Variants in MYO6 observed in about 807,000 individuals in gnomAD.
MYO6 encodes unconventional myosin-VI.
A neutral mutation model predicts 178.7 loss-of-function variants in MYO6; 74 were observed. The ratio of observed to expected loss-of-function variants is 0.41; its 90% CI spans 0.34 to 0.50. The LOEUF is 0.50. MYO6 is among the 20% of genes least tolerant of loss of function. The pLI, the probability that MYO6 is intolerant of heterozygous loss-of-function variation, is 0.09. For missense variants in MYO6, 1,330 were observed against 1,547.4 expected, an observed-to-expected ratio of 0.86 and a Z score of 2.36; for synonymous variants, 477 against 504.6, an observed-to-expected ratio of 0.95 and a Z score of 0.73.
chr6:75,916,024 G>C lies in MYO6; in HGVS notation c.*1012G>C, dbSNP rs533366906. ...TAAGCTTTGTAATTCAGAAATCCTT[G>C]TATTTAGTAAGTGCTTGTTTTACAT... On this transcript the variant is annotated 3_prime_UTR_variant, in exon 35 of 35. Transcript: ENST00000369977. 2 of 152,604 alleles carry C rather than the reference G, an allele frequency of 1.3e-5. No homozygotes were observed. The highest frequency in any genetic ancestry group is 4.8e-5 in the African/African-American group (2 of 41,544). The allele number at this position is 152,604 out of a possible 1,614,324, so 9.5% of individuals were successfully genotyped here. A position where few individuals can be genotyped will look rare whatever the true frequency, so the allele number is the denominator to read the frequency against.
intron 1 of MYO6, among the ~76,000 whole-genome samples, chr6:75,815,303 C>T (rs1771108387): frequency 6.6e-6 from 1 of 151,476 alleles, no homozygotes; most frequent in South Asian, 2.1e-4. Context: ...GCTGTTAGTG[C>T]CTTCACTGAT....
chr6:75,797,605 C>T lies in MYO6; in HGVS notation c.-47-19896C>T, dbSNP rs530521556. On this transcript the variant is annotated intron_variant, in intron 1 of 34. Coordinates refer to ENST00000369977, the MANE Select transcript of MYO6 (RefSeq NM_004999.4). ...TTGGAGTGCAGTGGCATGATCTTGG[C>T]TCAGTGCAACCTCCACCTTCTGGGC... Among the ~76,000 whole-genome samples, 187 of 152,114 alleles carry T rather than the reference C, an allele frequency of 1.2e-3. 1 individual carries two copies. The highest frequency in any genetic ancestry group is 4.4e-3 in the African/African-American group (183 of 41,480).
intron 1 of MYO6, among the ~76,000 whole-genome samples, chr6:75,769,758 G>A (rs1377738691): frequency 6.6e-6 from 1 of 152,178 alleles, no homozygotes; most frequent in African/African-American, 2.4e-5. Flanking sequence ...AAATTAGCTG[G>A]GCATGGTGGC....
rs1772514153 is a variant in MYO6, at chr6:75,826,819, A to G, written c.188-1721A>G. Among the ~76,000 whole-genome samples the G allele has an allele frequency of 2.0e-5, 3 of 152,142 alleles. No homozygotes were observed. The South Asian group carries it at 6.2e-4, about 32-fold the overall frequency. The stretch of plus-strand genomic sequence containing the variant: ...TAGAAAGCAGTGAGGTGACTGAGGC[A>G]GGAGAATCGCTTGAACCCAGGAGGT... On this transcript the variant is annotated intron_variant, in intron 3 of 34. Transcript: ENST00000369977.
intron 25 of MYO6, among the ~76,000 whole-genome samples, chr6:75,888,730 C>A (rs573099546): frequency 6.6e-6 from 1 of 152,032 alleles, no homozygotes; most frequent in Non-Finnish European, 1.5e-5. Flanking sequence ...CTTACATTCT[C>A]TTTTATGCAT....
chr6:75,857,429 A>G (rs1272787581), intron 13 of MYO6, among the ~76,000 whole-genome samples, 175 bp downstream of exon 13: 2 of 152,192 alleles, frequency 1.3e-5, no homozygotes, highest in East Asian at 1.9e-4. Flanking sequence ...TTTAAAGAGA[A>G]GAGGAAAGAC....
chr6:75,772,508 A>C (rs73751256), intron 1 of MYO6, among the ~76,000 whole-genome samples: 40 of 152,346 alleles, frequency 2.6e-4, no homozygotes, highest in African/African-American at 9.1e-4. Flanking sequence ...TTGTTTTACT[A>C]ACCTTACTGA....
At chr6:75,852,331 CT>C (rs569527427) in intron 11 of MYO6, among the ~76,000 whole-genome samples, 1 of 150,514 alleles carries the variant, frequency 6.6e-6, no homozygotes. Flanking sequence ...TCTCTTTTTT[CT>C]TTTTTTTTGG....
intron 1 of MYO6, among the ~76,000 whole-genome samples, chr6:75,771,339 T>G (rs1765879438): frequency 6.6e-6 from 1 of 152,108 alleles, no homozygotes; most frequent in Non-Finnish European, 1.5e-5. Context: ...TTCAAAGGGT[T>G]TTTTTTAGTG....
At chr6:75,805,692 T>C (rs1466161171) in intron 1 of MYO6, among the ~76,000 whole-genome samples, 1 of 152,234 alleles carries the variant, frequency 6.6e-6, no homozygotes, top group Non-Finnish European at 1.5e-5. Context: ...AATTAAGTAC[T>C]AAAAGTAAGA....
At chr6:75,911,060 A>C (rs866428668) in intron 32 of MYO6, among the ~76,000 whole-genome samples, 8 of 152,140 alleles carry the variant, frequency 5.3e-5, no homozygotes, top group African/African-American at 1.7e-4. Context: ...GCATACTTTC[A>C]TCTCATTTAC....
intron 9 of MYO6, among the ~76,000 whole-genome samples, chr6:75,844,457 C>G (rs1013473511): frequency 6.6e-6 from 1 of 151,962 alleles, no homozygotes; most frequent in Non-Finnish European, 1.5e-5. Context: ...TTAAGAAAAT[C>G]AAGGATAGAA....
chr6:75,764,165 T>C (rs982407006), intron 1 of MYO6, among the ~76,000 whole-genome samples: 5 of 152,134 alleles, frequency 3.3e-5, no homozygotes, highest in Non-Finnish European at 7.4e-5. Flanking sequence ...CCACCTCAGC[T>C]TCCCAAAGTG....
chr6:75,758,547 G>A (rs911392952), intron 1 of MYO6, among the ~76,000 whole-genome samples: 3 of 150,872 alleles, frequency 2.0e-5, no homozygotes, highest in Admixed American at 6.6e-5. Flanking sequence ...TGCAAGCTCC[G>A]CCTCCTGGGT....
chr6:75,907,844 T>C (rs1483541585), intron 31 of MYO6, 136 bp downstream of exon 31: 3 of 693,164 alleles, frequency 4.3e-6, no homozygotes, highest in Non-Finnish European at 5.1e-6. Context: ...ATAATACCTA[T>C]ATTATCTGAA....
intron 1 of MYO6, among the ~76,000 whole-genome samples, chr6:75,791,370 C>T (rs530499977): frequency 6.6e-6 from 1 of 152,218 alleles, no homozygotes; most frequent in East Asian, 1.9e-4. Context: ...ATTATGACTT[C>T]AATATGTATA....
chr6:75,750,077 C>T (rs1776719362), intron 1 of MYO6, among the ~76,000 whole-genome samples: 1 of 150,276 alleles, frequency 6.7e-6, no homozygotes, highest in Non-Finnish European at 1.5e-5. Flanking sequence ...TATTTCCATA[C>T]AGTTTAAAAA....
chr6:75,832,868 G>C lies in MYO6; in HGVS notation c.418G>C (p.Val140Leu). ...IADKAFRDMKVLKMSQSIIVS... is the reference protein window; with the variant it reads ...IADKAFRDMKLLKMSQSIIVS... The stretch of plus-strand genomic sequence containing the variant: ...TGATAAAGCTTTTCGAGACATGAAG[G>C]TGCTCAAGATGAGTCAGTCTATCAT... The change falls in exon 6 of 35, where the codon GTG becomes CTG. Residue 140 changes from valine to leucine, a missense_variant. Around this residue, in one of 3 missense-constraint regions of MYO6, gnomAD observed 613 missense variants for 816.8 expected, o/e 0.75. Coordinates refer to ENST00000369977, the MANE Select transcript of MYO6 (RefSeq NM_004999.4). 6.2e-7 allele frequency: 1 copy of C among 1,613,770 alleles called. No individual in the cohort carries two copies. The highest frequency in any genetic ancestry group is 8.5e-7 in the Non-Finnish European group (1 of 1,179,714).
At chr6:75,890,328 A>C in intron 26 of MYO6, 63 bp downstream of exon 26, 3 of 1,601,600 alleles carry the variant, frequency 1.9e-6, no homozygotes, top group Admixed American at 3.4e-5. Flanking sequence ...TGGTATTGAC[A>C]GTGGTTAATG....
Sources: gnomAD v4.1 joint callset for allele counts (sites outside exome capture counted in the v4.1 genomes callset) on GRCh38, gnomAD v4.1.1 for gene constraint, gnomAD v4.1.1 regional missense constraint, MANE v1.5 for transcripts, NCBI Gene and HGNC (gene_info 2026-07-23, HGNC 2026-07-21) for gene names.